Variants in AP2A2 observed in about 807,000 individuals in gnomAD.
The protein encoded by AP2A2 is AP-2 complex subunit alpha-2.
Under a neutral mutation model 104.2 loss-of-function variants are expected in AP2A2, and 32 were observed. That is an observed-to-expected ratio of 0.31 (90% CI 0.23 to 0.41). AP2A2 has a LOEUF of 0.41. Ranked by LOEUF, AP2A2 falls within the 10% of genes least tolerant of loss-of-function variation. AP2A2 has a pLI of 1.00. For missense variants in AP2A2, 912 were observed against 1,261.0 expected (o/e 0.72, Z 4.19); for synonymous variants, 539 against 533.3 (o/e 1.01, Z -0.15).
chr11:1,004,479 A>C (rs538778168), intron 16 of AP2A2, among the ~76,000 whole-genome samples: 1 of 151,606 alleles, frequency 6.6e-6, no homozygotes, highest in Non-Finnish European at 1.5e-5. Flanking sequence ...TAAATAAATA[A>C]ATAAACAGAC....
chr11:968,263 C>T lies in AP2A2; in HGVS notation c.137-1906C>T, dbSNP rs540340900. Among the ~76,000 whole-genome samples the T allele has an allele frequency of 1.3e-5, 2 of 152,320 alleles. No homozygotes were observed. The highest frequency in any genetic ancestry group is 4.8e-5 in the African/African-American group (2 of 41,576). Reference sequence around the variant, plus strand: ...TGCTCTGTGACATCTCTGGGAGGCCCAGAGGTGATCCTGCATCACCCTCAC... The same window carrying T: ...TGCTCTGTGACATCTCTGGGAGGCCTAGAGGTGATCCTGCATCACCCTCAC... On this transcript the variant is annotated intron_variant, in intron 2 of 21. Transcript: ENST00000448903. The surrounding 1 kb of genome is among the most constrained non-coding windows in gnomAD (Gnocchi z 4.2).
intron 1 of AP2A2, among the ~76,000 whole-genome samples, chr11:927,689 C>T (rs758620341): frequency 6.6e-6 from 1 of 151,620 alleles, no homozygotes; most frequent in African/African-American, 2.4e-5. Flanking sequence ...TATTGGTGTA[C>T]ACATCTATAG....
chr11:1,007,884 ACCCG>A, intron 17 of AP2A2, 124 bp from the exon 18 acceptor site: 1 of 1,386,182 alleles, frequency 7.2e-7, no homozygotes. Context: ...GCTGCCCTCG[ACCCG>A]TAGCTGGTGG....
At chr11:994,624 T>C (rs1313667507) in intron 14 of AP2A2, among the ~76,000 whole-genome samples, 33 of 80,924 alleles carry the variant, frequency 4.1e-4, no homozygotes, top group Non-Finnish European at 4.8e-4. Context: ...CTGCACACCC[T>C]GCTGGCCTGT....
chr11:947,024 T>TG (rs1275725045), intron 1 of AP2A2: 1 of 149,918 alleles, frequency 6.7e-6, no homozygotes, highest in African/African-American at 2.4e-5. Context: ...TTTTTTTTTT[T>TG]TTTGAGACGG....
chr11:944,232 CGTT>C (rs1853757258), intron 1 of AP2A2, among the ~76,000 whole-genome samples: 1 of 152,176 alleles, frequency 6.6e-6, no homozygotes, highest in Non-Finnish European at 1.5e-5. Context: ...AGGAAATGCT[CGTT>C]GTTTTCCAGC....
At position 941,929 on chromosome 11, in the gene AP2A2, T is replaced by G. The variant is rs1337113080; in HGVS notation, c.67+15841T>G. Among the ~76,000 whole-genome samples the G allele has an allele frequency of 2.0e-5, 3 of 149,124 alleles. No homozygotes were observed. The East Asian group carries it at 6.0e-4, about 30-fold the overall frequency. On this transcript the variant is annotated intron_variant, in intron 1 of 21. Coordinates refer to ENST00000448903, the MANE Select transcript of AP2A2 (RefSeq NM_012305.4). Reference sequence around the variant, plus strand: ...GTAGTAATACCTGACCTTTTATTTTTTATCTATTTATATTTGAGATGGAGT... The same window carrying G: ...GTAGTAATACCTGACCTTTTATTTTGTATCTATTTATATTTGAGATGGAGT...
At chr11:983,590 A>G (rs75014918) in intron 6 of AP2A2, among the ~76,000 whole-genome samples, 6,255 of 151,762 alleles carry the variant, frequency 0.041, 194 homozygotes, top group South Asian at 0.13. Context: ...TCACTGTGTT[A>G]GCCAGGATGG....
In AP2A2 at chr11:998,100, C is replaced by G. The variant is rs564826077; in HGVS notation, c.1957-2332C>G. ...CTGTGGAGGCCACAGTGTTGGCGGG[C>G]GCTGTCCCCGGCGTAGGGAGCAAAG... On this transcript the variant is annotated intron_variant, in intron 14 of 21. Coordinates refer to ENST00000448903, the MANE Select transcript of AP2A2 (RefSeq NM_012305.4). Among the ~76,000 whole-genome samples the G allele has an allele frequency of 3.9e-5, 6 of 152,338 alleles. No homozygotes were observed. The East Asian group carries it at 1.2e-3, about 29-fold the overall frequency.
rs375622594 is a variant in AP2A2 at position 994,242 on chromosome 11, C to T, written c.1953C>T (p.Ala651=). The T allele has an allele frequency of 6.8e-6, 11 of 1,612,760 alleles. No individual in the cohort carries two copies. Among genetic ancestry groups the T allele is most frequent in the African/African-American group, 5.3e-5 (4 of 75,052 alleles). ...AGCCTGCCCCAGCCAGTACCAGCGC[C>T]GTGGTGGGTCCCTCACCTACTGTGC... is the stretch of plus-strand genomic sequence containing the variant. ...GPEPAPASTS[A]VSTPSPSADL... Residue 651 remains alanine (A), a synonymous_variant, in exon 14 of 22, where the codon GCC becomes GCT. Coordinates refer to ENST00000448903, the MANE Select transcript of AP2A2 (RefSeq NM_012305.4).
intron 2 of AP2A2, among the ~76,000 whole-genome samples, chr11:966,134 C>T (rs1854608729): frequency 1.3e-5 from 2 of 152,364 alleles, no homozygotes; most frequent in East Asian, 1.9e-4. Flanking sequence ...GCGTAAGCCA[C>T]TGCACCTGAC....
chr11:1,005,308 C>T (rs6597948), intron 16 of AP2A2, among the ~76,000 whole-genome samples: 73,720 of 152,068 alleles, frequency 0.48, 18,815 homozygotes, highest in Admixed American at 0.64. Context: ...AGAGACAGAA[C>T]GTAGCTGGGG....
intron 1 of AP2A2, chr11:948,328 G>T (rs1035095324): frequency 2.0e-5 from 3 of 152,198 alleles, no homozygotes; most frequent in African/African-American, 7.2e-5. Context: ...GAATAATTGT[G>T]TAACAAAATA....
chr11:946,785 T>TAAAAAAAAAAAAAGA (rs1853853132), intron 1 of AP2A2: 5 of 83,772 alleles, frequency 6.0e-5, no homozygotes, highest in Non-Finnish European at 8.5e-5. Flanking sequence ...AAAAAGAAAT[T>TAAAAAAAAAAAAAGA]AAGATATTTC....
chr11:959,159 C>T (rs765724274), intron 1 of AP2A2, among the ~76,000 whole-genome samples: 2 of 152,226 alleles, frequency 1.3e-5, no homozygotes, highest in African/African-American at 2.4e-5. Flanking sequence ...TGGAGCACCC[C>T]CTGGGTGCGC....
chr11:963,704 C>T (rs1161738591), intron 2 of AP2A2, among the ~76,000 whole-genome samples: 1 of 152,320 alleles, frequency 6.6e-6, no homozygotes, highest in East Asian at 1.9e-4. Context: ...CTCACCGCAG[C>T]CTCAACCCCC....
intron 14 of AP2A2, among the ~76,000 whole-genome samples, chr11:997,750 C>CA (rs775089147): frequency 3.3e-4 from 50 of 152,106 alleles, no homozygotes; most frequent in Non-Finnish European, 5.7e-4. Flanking sequence ...TCTAAAAATA[C>CA]AAAAATTAGC....
chr11:991,755 G>C (rs1039404205), intron 10 of AP2A2, among the ~76,000 whole-genome samples: 1 of 151,484 alleles, frequency 6.6e-6, no homozygotes, highest in African/African-American at 2.4e-5. Flanking sequence ...GCAGGGTGTG[G>C]AGAGGGGGCG....
chr11:985,508 G>T lies in AP2A2; in HGVS notation c.888G>T (p.Ser296=). 1.2e-6 allele frequency: 2 copies of T among 1,613,972 alleles called. No individual in the cohort carries two copies. Among genetic ancestry groups the T allele is most frequent in the Non-Finnish European group, 1.7e-6 (2 of 1,179,894 alleles). The change falls in exon 8 of 22, where the codon TCG becomes TCT. Residue 296 remains serine (S), a synonymous_variant. Transcript: ENST00000448903. The part of the protein sequence containing the change: ...ILNKAQEPPK[S]KKVQHSNAKN... ...ACAAAGCCCAAGAACCGCCCAAGTCGAAGAAGGTCCAGCACTCCAACGCGA... is the reference window on the plus strand; with the variant it reads ...ACAAAGCCCAAGAACCGCCCAAGTCTAAGAAGGTCCAGCACTCCAACGCGA...
Sources: allele counts gnomAD v4.1 joint callset (sites outside exome capture counted in the v4.1 genomes callset), GRCh38; gene constraint gnomAD v4.1.1; non-coding constraint Gnocchi (gnomAD v3.1); transcripts MANE v1.5; gene names NCBI Gene and HGNC (gene_info 2026-07-23, HGNC 2026-07-21).